NCOA6: variants seen among roughly 807,000 people sequenced by gnomAD.
The protein encoded by NCOA6 is NRC RAP250.
NCOA6 carries 49 observed loss-of-function variants against 171.4 expected under a neutral mutation model. The ratio of observed to expected loss-of-function variants is 0.29; its 90% CI spans 0.23 to 0.36. The LOEUF (loss-of-function observed/expected upper bound fraction) is 0.36, where lower values mean the gene tolerates loss of function less well. NCOA6 is among the 10% of genes least tolerant of loss of function. The pLI is 1.00. For missense variants in NCOA6, 2,248 were observed against 2,554.5 expected (o/e 0.88, Z 2.59); for synonymous variants, 910 against 927.5 (o/e 0.98, Z 0.34).
rs1367968294 is a variant in NCOA6 at position 34,741,945 on chromosome 20, T to C, written c.4311A>G (p.Val1437=). The change falls in exon 11 of 15, where the codon GTA becomes GTG. Residue 1437 remains valine, a synonymous_variant. Coordinates refer to ENST00000359003, the MANE Select transcript of NCOA6 (RefSeq NM_014071.5). ...CQNSQSRKEQ[V]NIELKAVPAQ... is the part of the protein sequence containing the mutation. ...CAGGGACTGCTTTTAGTTCAATGTTTACCTGTTCCTTCCTACTCTGGGAAT... is the reference window on the plus strand; with the variant it reads ...CAGGGACTGCTTTTAGTTCAATGTTCACCTGTTCCTTCCTACTCTGGGAAT... The C allele has an allele frequency of 6.2e-7, 1 of 1,614,226 alleles. No homozygotes were observed.
intron 2 of NCOA6, among the ~76,000 whole-genome samples, chr20:34,785,340 T>G (rs2077640323): frequency 6.6e-6 from 1 of 151,560 alleles, no homozygotes; most frequent in African/African-American, 2.4e-5. Flanking sequence ...CATACCTGTA[T>G]TCCTAGCACT....
intron 1 of NCOA6, among the ~76,000 whole-genome samples, chr20:34,807,814 C>T (rs562531216): frequency 2.6e-5 from 4 of 151,246 alleles, no homozygotes; most frequent in South Asian, 2.1e-4. Flanking sequence ...CATGAGCCAC[C>T]GTGCCCGGCC....
rs754536663 is a variant in NCOA6, at chr20:34,715,302, C to G, written c.*20G>C. On this transcript the variant is annotated 3_prime_UTR_variant, in exon 15 of 15. Transcript: ENST00000359003. ...AAAAGTCACACACATTTCCAAGTAT[C>G]AAGTCGCAGTCCTGCTTGTTTACTT... 1 of 1,613,906 alleles carries G rather than the reference C, an allele frequency of 6.2e-7. No homozygotes were observed.
In NCOA6 at chr20:34,751,558, C is replaced by G. The variant is rs574052252; in HGVS notation, c.1676-1039G>C. ...ACACCAAGGACAGGTGTCCTCTGCC[C>G]TGATGTGGTAAAAAGCAGTTAATCT... On this transcript the variant is annotated intron_variant, in intron 8 of 14. Transcript: ENST00000359003. Among the ~76,000 whole-genome samples, 190 of 152,008 alleles carry G rather than the reference C, an allele frequency of 1.2e-3. 3 individuals carry two copies. Among genetic ancestry groups the G allele is most frequent in the Non-Finnish European group, 9.3e-4 (63 of 67,972 alleles).
chr20:34,764,363 G>A (rs1020402338), intron 5 of NCOA6, among the ~76,000 whole-genome samples: 3 of 152,084 alleles, frequency 2.0e-5, no homozygotes, highest in East Asian at 1.9e-4. Flanking sequence ...CTGGGATTAC[G>A]GGTGTCAGCC....
chr20:34,734,407 T>C (rs2075885441), intron 12 of NCOA6, among the ~76,000 whole-genome samples: 1 of 152,084 alleles, frequency 6.6e-6, no homozygotes, highest in Non-Finnish European at 1.5e-5. Context: ...TCTCCCAGGC[T>C]GGAGTGCAAT....
intron 2 of NCOA6, among the ~76,000 whole-genome samples, chr20:34,783,434 T>C (rs1009506507): frequency 6.6e-6 from 1 of 152,228 alleles, no homozygotes; most frequent in African/African-American, 2.4e-5. Flanking sequence ...AGTACATGTA[T>C]TAAAGATCAC....
Position 34,740,443 on chromosome 20 carries a change from C to T in NCOA6, c.5813G>A (p.Gly1938Asp). ...CGCAAGTGACTCAGATGCTATGCCACCATGATTGCTTTTTGTGGTCGGTAC... is the reference window on the plus strand; with the variant it reads ...CGCAAGTGACTCAGATGCTATGCCATCATGATTGCTTTTTGTGGTCGGTAC... Reference protein sequence around the residue: ...SAVPTTKSNHGGIASESLAGG... With the variant: ...SAVPTTKSNHDGIASESLAGG... The change falls in exon 11 of 15, where the codon GGT becomes GAT. Residue 1938 changes from glycine (G) to aspartate (D), a missense_variant. By Grantham distance (94) the Gly-to-Asp change is moderately conservative. Coordinates refer to ENST00000359003, the MANE Select transcript of NCOA6 (RefSeq NM_014071.5). The T allele has an allele frequency of 1.9e-6, 3 of 1,614,210 alleles. No individual in the cohort carries two copies. The highest frequency in any genetic ancestry group is 1.7e-6 in the Non-Finnish European group (2 of 1,180,038).
chr20:34,811,852 A>G (rs1456254012), intron 1 of NCOA6, among the ~76,000 whole-genome samples: 1 of 152,256 alleles, frequency 6.6e-6, no homozygotes, highest in East Asian at 1.9e-4. Flanking sequence ...AAAGTGTCTA[A>G]ATAAACAGTT....
chr20:34,775,672 C>CAAAAAAAAAAAAAA (rs570763953), intron 4 of NCOA6, among the ~76,000 whole-genome samples: 1 of 77,568 alleles, frequency 1.3e-5, no homozygotes, highest in Non-Finnish European at 2.5e-5. Flanking sequence ...GACTCTGTCT[C>CAAAAAAAAAAAAAA]AAAAAAAAAA....
chr20:34,764,061 T>C (rs6060034), intron 5 of NCOA6, among the ~76,000 whole-genome samples: 110,831 of 132,182 alleles, frequency 0.84, 46,657 homozygotes, highest in Admixed American at 0.91. Flanking sequence ...TCTTTCCCCA[T>C]CCCTCTGCTT....
intron 11 of NCOA6, chr20:34,739,006 G>C (rs770765132): frequency 6.7e-6 from 3 of 446,080 alleles, no homozygotes; most frequent in Non-Finnish European, 1.4e-5. Context: ...CTAGCAGTGT[G>C]TGACTGACTC....
At chr20:34,775,464 C>T (rs1476662127) in intron 4 of NCOA6, among the ~76,000 whole-genome samples, 3 of 151,858 alleles carry the variant, frequency 2.0e-5, no homozygotes, top group Non-Finnish European at 4.4e-5. Flanking sequence ...GAGGGTGGAT[C>T]ACCTGAGGTC....
At chr20:34,763,697 T>C (rs957458031) in intron 5 of NCOA6, among the ~76,000 whole-genome samples, 1 of 152,216 alleles carries the variant, frequency 6.6e-6, no homozygotes, top group African/African-American at 2.4e-5. Flanking sequence ...GGGTATTCAC[T>C]AACATATCAA....
chr20:34,742,650 C>T lies in NCOA6; in HGVS notation c.3606G>A (p.Ala1202=), dbSNP rs372455229. 259 of 1,613,956 alleles carry T rather than the reference C, an allele frequency of 1.6e-4. No homozygotes were observed. Among genetic ancestry groups the T allele is most frequent in the Non-Finnish European group, 2.0e-4 (239 of 1,180,022 alleles). ...SHGHHFPNVA[A]PTQTSRPKTP... ...TTTTGGGCCTAGATGTCTGGGTTGGCGCAGCCACATTTGGGAAGTGGTGGC... is the reference window on the plus strand; with the variant it reads ...TTTTGGGCCTAGATGTCTGGGTTGGTGCAGCCACATTTGGGAAGTGGTGGC... Residue 1202 remains alanine, a synonymous_variant, in exon 11 of 15, where the codon GCG becomes GCA. Transcript: ENST00000359003.
intron 5 of NCOA6, among the ~76,000 whole-genome samples, chr20:34,762,190 C>T (rs1358073947): frequency 1.3e-5 from 2 of 151,952 alleles, no homozygotes; most frequent in Non-Finnish European, 2.9e-5. Context: ...ATATAGTGGC[C>T]CTATATACCT....
At chr20:34,782,773 C>T (rs1267090103) in intron 2 of NCOA6, among the ~76,000 whole-genome samples, 2 of 152,158 alleles carry the variant, frequency 1.3e-5, no homozygotes, top group African/African-American at 4.8e-5. Flanking sequence ...CAAGACTCCC[C>T]CTACTTCTGT....
intron 1 of NCOA6, among the ~76,000 whole-genome samples, chr20:34,822,155 T>C (rs2079026858): frequency 6.6e-6 from 1 of 152,110 alleles, no homozygotes; most frequent in African/African-American, 2.4e-5. Flanking sequence ...ATTACCTCTC[T>C]GGTCTTCAGT....
At chr20:34,730,712 CTTTTTT>C (rs141101262) in intron 13 of NCOA6, among the ~76,000 whole-genome samples, 11 of 129,040 alleles carry the variant, frequency 8.5e-5, no homozygotes, top group Non-Finnish European at 1.8e-4. Flanking sequence ...ATGTTCTAGA[CTTTTTT>C]TTTTTTTTTT....
Sources: allele counts gnomAD v4.1 joint callset (sites outside exome capture counted in the v4.1 genomes callset), GRCh38; gene constraint gnomAD v4.1.1; transcripts MANE v1.5; gene names NCBI Gene and HGNC (gene_info 2026-07-23, HGNC 2026-07-21).